MAP4K5: variants seen among roughly 807,000 people sequenced by gnomAD.
MAP4K5 encodes the protein MAPK/ERK kinase kinase kinase 5.
In MAP4K5, 82 loss-of-function variants were observed where a neutral mutation model predicts 135.6. The ratio of observed to expected loss-of-function variants is 0.60; its 90% CI spans 0.51 to 0.73. The LOEUF (loss-of-function observed/expected upper bound fraction) is 0.73, where lower values mean the gene tolerates loss of function less well. Ranked by LOEUF, MAP4K5 falls within the 30% of genes least tolerant of loss-of-function variation. MAP4K5 has a pLI of 0.00. For synonymous variants in MAP4K5, 347 were observed against 335.0 expected (o/e 1.04, Z -0.39); for missense variants, 907 against 1,010.9 (o/e 0.90, Z 1.39).
chr14:50,466,774 A>G, intron 10 of MAP4K5, 129 bp from the exon 11 acceptor site: 1 of 481,218 alleles, frequency 2.1e-6, no homozygotes, highest in Non-Finnish European at 3.8e-6. Context: ...ACTATGGGAT[A>G]TAGAAATTAA....
chr14:50,426,681 G>A (rs1189494094), intron 30 of MAP4K5, among the ~76,000 whole-genome samples: 2 of 152,168 alleles, frequency 1.3e-5, no homozygotes, highest in Non-Finnish European at 2.9e-5. Flanking sequence ...CCGAGATCAC[G>A]TCACTTCACT....
At chr14:50,533,758 T>C (rs2079274167), upstream of MAP4K5, among the ~76,000 whole-genome samples, 2 of 152,088 alleles carry the variant, frequency 1.3e-5, no homozygotes, top group Admixed American at 1.3e-4. Flanking sequence ...ATTAAAATAC[T>C]CCTTATTGTT....
intron 1 of MAP4K5, 25 bp from the exon 2 acceptor site, chr14:50,532,183 G>C (rs1047703865): frequency 3.2e-6 from 2 of 621,800 alleles, no homozygotes; most frequent in Admixed American, 3.0e-5. Context: ...AGCAAAGGCT[G>C]GTTGGCGTCG....
chr14:50,538,370 A>T (rs780847663), intron 2 of MAP4K5, among the ~76,000 whole-genome samples: 2 of 152,212 alleles, frequency 1.3e-5, no homozygotes, highest in Non-Finnish European at 2.9e-5. Context: ...CAGCAGTGTG[A>T]AAATGGACTA....
rs199921713 is a variant in MAP4K5 at position 50,441,128 on chromosome 14, TA to T, written c.1565-688del. On this transcript the variant is annotated intron_variant, in intron 21 of 32. Coordinates refer to ENST00000682126, the MANE Select transcript of MAP4K5 (RefSeq NM_006575.6). ...AAACTGATATAAATAAACGAATGAA[TA>T]AGTGGGAAAGAAGATAAACTGTCAA... Among the ~76,000 whole-genome samples the T allele has an allele frequency of 1.1e-3, 168 of 152,202 alleles. 5 individuals are homozygous for T. In the East Asian group the frequency reaches 0.03, roughly 27 times the overall value.
At chr14:50,446,407 T>TA (rs759938657) in intron 16 of MAP4K5, among the ~76,000 whole-genome samples, 30 of 152,226 alleles carry the variant, frequency 2.0e-4, no homozygotes, top group Non-Finnish European at 3.2e-4. Flanking sequence ...ACTTCTTGGT[T>TA]AAAAAACTGA....
At chr14:50,476,554 G>A (rs1188610364) in intron 6 of MAP4K5, among the ~76,000 whole-genome samples, 1 of 152,180 alleles carries the variant, frequency 6.6e-6, no homozygotes, top group South Asian at 2.1e-4. Flanking sequence ...GCCATCTCCT[G>A]GGTTCAAGTG....
intron 1 of MAP4K5, among the ~76,000 whole-genome samples, chr14:50,556,932 T>A (rs1426859553): frequency 1.3e-5 from 2 of 152,252 alleles, no homozygotes; most frequent in Non-Finnish European, 2.9e-5. Context: ...TTTTGGCTAT[T>A]ATGAATAATG....
chr14:50,428,567 G>T (rs1320701215), intron 30 of MAP4K5, 95 bp downstream of exon 30: 2 of 675,972 alleles, frequency 3.0e-6, no homozygotes, highest in Non-Finnish European at 4.8e-6. Flanking sequence ...AGAAATTTCT[G>T]TGAGACAGTG....
At chr14:50,447,598 T>C in intron 15 of MAP4K5, 117 bp from the exon 16 acceptor site, 1 of 624,270 alleles carries the variant, frequency 1.6e-6, no homozygotes, top group South Asian at 2.3e-5. Context: ...ATTCAATCAA[T>C]TTTTTAATCT....
chr14:50,549,047 C>T (rs1206415208), intron 1 of MAP4K5, among the ~76,000 whole-genome samples: 3 of 152,088 alleles, frequency 2.0e-5, no homozygotes, highest in African/African-American at 7.3e-5. Context: ...AAAGGGGTGC[C>T]CTGTGTACTA....
At chr14:50,484,549 C>G (rs1389482563) in intron 5 of MAP4K5, among the ~76,000 whole-genome samples, 1 of 152,060 alleles carries the variant, frequency 6.6e-6, no homozygotes, top group Non-Finnish European at 1.5e-5. Context: ...CTAAGTATGA[C>G]CCAGTATGTT....
chr14:50,518,396 C>A (rs943357895), intron 2 of MAP4K5, among the ~76,000 whole-genome samples: 3 of 152,110 alleles, frequency 2.0e-5, no homozygotes, highest in Non-Finnish European at 4.4e-5. Context: ...CTTCTCCTCA[C>A]CCCCCACCAC....
intron 3 of MAP4K5, among the ~76,000 whole-genome samples, chr14:50,490,486 TA>T (rs2037460737): frequency 6.6e-6 from 1 of 152,170 alleles, no homozygotes; most frequent in African/African-American, 2.4e-5. Flanking sequence ...CAGTAACCAC[TA>T]GAGCAATGAT....
At chr14:50,519,472 C>T (rs1217468636) in intron 2 of MAP4K5, among the ~76,000 whole-genome samples, 5 of 151,930 alleles carry the variant, frequency 3.3e-5, no homozygotes, top group East Asian at 3.9e-4. Context: ...CTGGCCAACA[C>T]GGTGAAACCC....
intron 1 of MAP4K5, among the ~76,000 whole-genome samples, chr14:50,554,361 A>G (rs2038739650): frequency 6.6e-6 from 1 of 152,186 alleles, no homozygotes; most frequent in South Asian, 2.1e-4. Flanking sequence ...GATGTTTTGT[A>G]TACTGTAGAT....
At chr14:50,540,821 T>G (rs2038551733) in intron 2 of MAP4K5, among the ~76,000 whole-genome samples, 1 of 152,228 alleles carries the variant, frequency 6.6e-6, no homozygotes, top group Non-Finnish European at 1.5e-5. Flanking sequence ...GCTAACTTCT[T>G]ACCCATGCCA....
At chr14:50,515,849 T>C (rs1022620943) in intron 2 of MAP4K5, among the ~76,000 whole-genome samples, 1 of 152,180 alleles carries the variant, frequency 6.6e-6, no homozygotes, top group African/African-American at 2.4e-5. Context: ...CATCTATTTC[T>C]AGGGCACATC....
At chr14:50,451,775 T>A (rs922818358) in intron 14 of MAP4K5, among the ~76,000 whole-genome samples, 1 of 151,906 alleles carries the variant, frequency 6.6e-6, no homozygotes, top group African/African-American at 2.4e-5. Context: ...TACCAATGGT[T>A]AAAAAAAAAC....
Sources: allele counts gnomAD v4.1 joint callset (sites outside exome capture counted in the v4.1 genomes callset), GRCh38; gene constraint gnomAD v4.1.1; transcripts MANE v1.5; gene names NCBI Gene and HGNC (gene_info 2026-07-23, HGNC 2026-07-21).